Variants in MYRIP observed in about 807,000 individuals in gnomAD.
The protein encoded by MYRIP is rab effector MyRIP.
MYRIP carries 49 observed loss-of-function variants against 98.0 expected under a neutral mutation model. The observed-to-expected ratio is 0.50, with a 90% CI of 0.40 to 0.63. The LOEUF is 0.63. Among genes scored for constraint, MYRIP ranks in the 30% least tolerant of loss-of-function variants. The pLI is 0.00. For missense variants in MYRIP, 1,004 were observed against 1,058.2 expected (o/e 0.95, Z 0.71); for synonymous variants, 404 against 409.5 (o/e 0.99, Z 0.16).
At chr3:40,252,172 C>G (rs1230954714) in intron 16 of MYRIP, among the ~76,000 whole-genome samples, 173 bp downstream of exon 16, 1 of 152,132 alleles carries the variant, frequency 6.6e-6, no homozygotes, top group African/African-American at 2.4e-5. Context: ...AAACCAAGAG[C>G]AGAGTGCTTG....
At chr3:39,958,010 G>C (rs562306667) in intron 2 of MYRIP, among the ~76,000 whole-genome samples, 95 of 152,118 alleles carry the variant, frequency 6.2e-4, no homozygotes, top group Admixed American at 5.8e-3. Flanking sequence ...CTACAAACCA[G>C]TGCTCCACGA....
At chr3:40,205,764 G>A (rs1239563772) in intron 10 of MYRIP, among the ~76,000 whole-genome samples, 2 of 151,444 alleles carry the variant, frequency 1.3e-5, no homozygotes, top group African/African-American at 4.9e-5. Context: ...TTTCAGTGAA[G>A]TTGTTGTGAT....
intron 1 of MYRIP, among the ~76,000 whole-genome samples, chr3:39,876,903 G>T (rs918356805): frequency 6.6e-6 from 1 of 152,080 alleles, no homozygotes; most frequent in African/African-American, 2.4e-5. Context: ...TGCTAGATTG[G>T]GGAAGTTCTC....
chr3:40,248,601 C>T (rs964160695), intron 13 of MYRIP: 15 of 152,188 alleles, frequency 9.9e-5, no homozygotes, highest in African/African-American at 3.4e-4. Context: ...ATTCCAGAAC[C>T]TGATAGTCCA....
chr3:39,965,958 A>G (rs1945429942), intron 2 of MYRIP, among the ~76,000 whole-genome samples: 1 of 152,196 alleles, frequency 6.6e-6, no homozygotes, highest in Non-Finnish European at 1.5e-5. Flanking sequence ...GGTTGCAATG[A>G]AATACACATT....
rs538304655 is a variant in MYRIP, at chr3:40,082,189, G to T, written c.332+37918G>T. Among the ~76,000 whole-genome samples, 180 of 152,232 alleles carry T rather than the reference G, an allele frequency of 1.2e-3. 2 individuals are homozygous for T. The South Asian group carries it at 0.035, about 29-fold the overall frequency. On this transcript the variant is annotated intron_variant, in intron 3 of 16. Coordinates refer to ENST00000302541, the MANE Select transcript of MYRIP (RefSeq NM_015460.4). ...AGCCATTATGTAAAATTATATGGAG[G>T]TTTCTCAAAAAAACTAAAAATAGAA... is the stretch of plus-strand genomic sequence containing the variant.
chr3:39,892,258 C>T (rs552416659), intron 1 of MYRIP, among the ~76,000 whole-genome samples: 10 of 152,052 alleles, frequency 6.6e-5, no homozygotes, highest in East Asian at 3.9e-4. Flanking sequence ...TGAAATCAGG[C>T]GAGGTTGTGG....
chr3:39,876,466 G>T (rs1169149647), intron 1 of MYRIP, among the ~76,000 whole-genome samples: 1 of 152,138 alleles, frequency 6.6e-6, no homozygotes, highest in Non-Finnish European at 1.5e-5. Flanking sequence ...GCATGATTTT[G>T]CAGTGGTTGG....
At position 40,251,907 on chromosome 3, in the gene MYRIP, A is replaced by C; in HGVS notation, c.2455A>C (p.Thr819Pro). Residue 819 changes from threonine (T) to proline (P), a missense_variant, in exon 16 of 17, where the codon ACT (threonine) becomes CCT (proline). Around this residue, in one of 3 missense-constraint regions of MYRIP, gnomAD observed 108 missense variants for 111.1 expected, o/e 0.97. Transcript: ENST00000302541. ...KAEKIETSSV[T>P]TIKTFNHNFI... Reference sequence around the variant, plus strand: ...TGAAAAAATTGAGACATCTTCAGTGACTACCATTAAAACATTTAACCACAA... The same window carrying C: ...TGAAAAAATTGAGACATCTTCAGTGCCTACCATTAAAACATTTAACCACAA... 2 of 1,613,314 alleles carry C rather than the reference A, an allele frequency of 1.2e-6. No homozygotes were observed. The highest frequency in any genetic ancestry group is 1.7e-6 in the Non-Finnish European group (2 of 1,179,304).
At chr3:39,855,532 G>A (rs1200458467) in intron 1 of MYRIP, among the ~76,000 whole-genome samples, 1 of 152,068 alleles carries the variant, frequency 6.6e-6, no homozygotes, top group African/African-American at 2.4e-5. Flanking sequence ...GTGAGGGGGT[G>A]GTTCTCAGGC....
intron 10 of MYRIP, among the ~76,000 whole-genome samples, chr3:40,205,082 G>T (rs1468701193): frequency 6.6e-6 from 1 of 152,054 alleles, no homozygotes; most frequent in Non-Finnish European, 1.5e-5. Context: ...AAGGACCCTG[G>T]AGCCCCCCTT....
chr3:39,903,575 G>A (rs1355362877), intron 2 of MYRIP, among the ~76,000 whole-genome samples: 1 of 152,160 alleles, frequency 6.6e-6, no homozygotes, highest in East Asian at 1.9e-4. Flanking sequence ...ACACATCATG[G>A]TAATGTAAAG....
intron 10 of MYRIP, among the ~76,000 whole-genome samples, chr3:40,196,837 A>C (rs898076434): frequency 9.2e-5 from 14 of 152,024 alleles, no homozygotes; most frequent in Non-Finnish European, 2.1e-4. Flanking sequence ...CTTAATTCCT[A>C]TCTTTTTAGA....
At chr3:40,230,444 G>A (rs181911255) in intron 11 of MYRIP, among the ~76,000 whole-genome samples, 17 of 152,328 alleles carry the variant, frequency 1.1e-4, no homozygotes, top group African/African-American at 3.4e-4. Context: ...GTTGTAGGAG[G>A]TGCTTTTCAC....
intron 2 of MYRIP, among the ~76,000 whole-genome samples, chr3:39,966,708 T>C (rs1242759470): frequency 6.6e-6 from 1 of 152,204 alleles, no homozygotes; most frequent in East Asian, 1.9e-4. Flanking sequence ...CCCTCATAGG[T>C]GCCGTGGCCT....
chr3:39,999,640 T>C (rs991367640), intron 2 of MYRIP, among the ~76,000 whole-genome samples: 2 of 152,116 alleles, frequency 1.3e-5, no homozygotes, highest in South Asian at 4.2e-4. Context: ...GATCTAGAAC[T>C]AGAAATACCA....
chr3:40,229,980 T>A (rs1952603960), intron 11 of MYRIP, among the ~76,000 whole-genome samples: 2 of 152,242 alleles, frequency 1.3e-5, no homozygotes, highest in Admixed American at 1.3e-4. Flanking sequence ...TGGCACCTAA[T>A]AAATGTGTTA....
At chr3:39,873,195 T>C (rs957601666) in intron 1 of MYRIP, among the ~76,000 whole-genome samples, 4 of 152,242 alleles carry the variant, frequency 2.6e-5, no homozygotes, top group Non-Finnish European at 5.9e-5. Context: ...GTTTGTTTTT[T>C]TCTTGTACAT....
chr3:39,850,176 A>G (rs1384113535), intron 1 of MYRIP, among the ~76,000 whole-genome samples: 1 of 152,190 alleles, frequency 6.6e-6, no homozygotes, highest in African/African-American at 2.4e-5. Flanking sequence ...CTGTGACCCA[A>G]GAACAACTGT....
Sources: gnomAD v4.1 joint callset for allele counts (sites outside exome capture counted in the v4.1 genomes callset) on GRCh38, gnomAD v4.1.1 for gene constraint, gnomAD v4.1.1 regional missense constraint, MANE v1.5 for transcripts, NCBI Gene and HGNC (gene_info 2026-07-23, HGNC 2026-07-21) for gene names.